RPGR: variants seen among roughly 807,000 people sequenced by gnomAD.
The protein encoded by RPGR is retinitis pigmentosa GTPase regulator.
In RPGR, 10 loss-of-function variants were observed where a neutral mutation model predicts 56.3. That is an observed-to-expected ratio of 0.18 (90% CI 0.11 to 0.30). The LOEUF (loss-of-function observed/expected upper bound fraction) is 0.30, where lower values mean the gene tolerates loss of function less well. Ranked by LOEUF, RPGR falls within the 10% of genes least tolerant of loss-of-function variation. The pLI, the probability that RPGR is intolerant of heterozygous loss-of-function variation, is 1.00. For synonymous variants in RPGR, 197 were observed against 212.9 expected (o/e 0.93, Z 0.65); for missense variants, 538 against 590.9 (o/e 0.91, Z 0.93).
chrX:38,280,211 TATAA>T (rs1323500465), intron 15 of RPGR, among the ~76,000 whole-genome samples: 2 of 112,028 alleles, frequency 1.8e-5, no homozygotes, highest in African/African-American at 6.5e-5. Context: ...TGTATATAAG[TATAA>T]ATAATTTTGT....
intron 6 of RPGR, among the ~76,000 whole-genome samples, chrX:38,313,143 C>T (rs1280749372): frequency 4.5e-5 from 5 of 111,834 alleles, no homozygotes; most frequent in African/African-American, 1.6e-4. Flanking sequence ...TCCCTCATCT[C>T]TGTCTCTCTC....
intron 11 of RPGR, among the ~76,000 whole-genome samples, chrX:38,296,483 A>G (rs150319603): frequency 9.0e-6 from 1 of 111,679 alleles, no homozygotes; most frequent in African/African-American, 3.3e-5. Flanking sequence ...CTCTAAAGAA[A>G]ATTACTTAGA....
At chrX:38,315,832 T>G (rs1179954323) in intron 6 of RPGR, among the ~76,000 whole-genome samples, 1 of 89,183 alleles carries the variant, frequency 1.1e-5, no homozygotes, top group African/African-American at 5.0e-5. Flanking sequence ...TATATATATA[T>G]ATATATAGAG....
chrX:38,273,361 A>C (rs1379443266), intron 18 of RPGR: 1 of 1,113,324 alleles, frequency 9.0e-7, no homozygotes, highest in South Asian at 1.9e-5. Context: ...CAAAAGGATC[A>C]AAAAAGACAA....
chrX:38,269,925 A>G, intron 18 of RPGR: 1 of 634,036 alleles, frequency 1.6e-6, no homozygotes. Flanking sequence ...ACACGTAAGA[A>G]CATGATTTTG....
At chrX:38,295,097 G>A (rs1203159624) in intron 11 of RPGR, among the ~76,000 whole-genome samples, 6 of 111,965 alleles carry the variant, frequency 5.4e-5, no homozygotes, top group Admixed American at 1.9e-4. Context: ...CTATAAAACC[G>A]TAAATAATTT....
chrX:38,289,157 A>G (rs1370943826), intron 13 of RPGR, among the ~76,000 whole-genome samples: 4 of 111,932 alleles, frequency 3.6e-5, no homozygotes, highest in African/African-American at 1.3e-4. Context: ...TTTGAAAAAA[A>G]TGAATAGTCC....
In RPGR at chrX:38,297,421, C is replaced by T; in HGVS notation, c.1277G>A (p.Arg426Lys). 1 of 1,208,939 alleles carries T rather than the reference C, an allele frequency of 8.3e-7. No homozygotes were observed. The highest frequency in any genetic ancestry group is 1.1e-6 in the Non-Finnish European group (1 of 893,935). ...AGTCCCTTCTATTGGAGGTAGTGTT[C>T]TCCTCATTGAAAAAGAATCTGGAGA... The change falls in exon 11 of 19, where the codon AGA (arginine) becomes AAA (lysine). Residue 426 changes from arginine to lysine, a missense_variant. Arg to Lys is a conservative substitution (Grantham distance 26). Transcript: ENST00000642395.
chrX:38,269,818 T>G lies in RPGR; in HGVS notation c.2256A>C (p.Lys752Asn), dbSNP rs777943257. The G allele has an allele frequency of 1.7e-6, 2 of 1,199,834 alleles. No individual in the cohort carries two copies. Among genetic ancestry groups the G allele is most frequent in the Non-Finnish European group, 2.3e-6 (2 of 886,034 alleles). Residue 752 changes from lysine to asparagine, a missense_variant, in exon 19 of 19, where the codon AAA becomes AAC. By Grantham distance (94) the Lys-to-Asn change is moderately conservative. This residue lies in a region of RPGR where 357 missense variants were observed against 325.8 expected (regional missense o/e 1.10). Transcript: ENST00000642395. ...TCTTTTGATTTATTGAGGGGACTCT[T>G]TTGAACAGAAAAATCTAGGAAAAAA...
At chrX:38,285,334 G>A (rs1379787462) in intron 15 of RPGR, 11 of 1,061,047 alleles carry the variant, frequency 1.0e-5, no homozygotes, top group East Asian at 3.5e-5. Flanking sequence ...GGAAATACAC[G>A]AAAATTTTAG....
Position 38,301,229 on chromosome X carries a change from G to C in RPGR, c.1059+18C>G. On this transcript the variant is annotated intron_variant, in intron 9 of 18. Transcript: ENST00000642395. The stretch of plus-strand genomic sequence containing the variant: ...ACAGTAATATGAAAATATAAACAGG[G>C]AAATGTGATGCCCTTACCAATTTAA... 8.5e-7 allele frequency: 1 copy of C among 1,172,888 alleles called. No homozygotes were observed. Among genetic ancestry groups the C allele is most frequent in the South Asian group, 1.8e-5 (1 of 54,721 alleles).
chrX:38,295,787 CA>C (rs2067366620), intron 11 of RPGR, among the ~76,000 whole-genome samples: 1 of 111,376 alleles, frequency 9.0e-6, no homozygotes, highest in African/African-American at 3.3e-5. Flanking sequence ...CTCAAAGATA[CA>C]CAAATTATCT....
chrX:38,312,652 T>G (rs138816425), intron 6 of RPGR, among the ~76,000 whole-genome samples: 290 of 111,607 alleles, frequency 2.6e-3, no homozygotes, highest in Non-Finnish European at 4.8e-3. Context: ...ATAAAAAAAG[T>G]ACACATCCCA....
chrX:38,277,627 T>C (rs1179358516), intron 15 of RPGR, among the ~76,000 whole-genome samples: 2 of 111,955 alleles, frequency 1.8e-5, no homozygotes, highest in East Asian at 5.5e-4. Flanking sequence ...TTATAACTGC[T>C]TCTAAAATAT....
intron 15 of RPGR, chrX:38,284,768 T>A (rs1197511469): frequency 1.4e-6 from 1 of 709,399 alleles, no homozygotes; most frequent in Non-Finnish European, 1.7e-6. Context: ...AGTTATCACA[T>A]CATCTCATCC....
chrX:38,273,169 A>G (rs1326174216), intron 18 of RPGR, among the ~76,000 whole-genome samples: 2 of 111,894 alleles, frequency 1.8e-5, no homozygotes, highest in South Asian at 3.8e-4. Flanking sequence ...CATCTAAAAC[A>G]TAAGCTAAAG....
At chrX:38,315,193 A>G (rs900935329) in intron 6 of RPGR, among the ~76,000 whole-genome samples, 1 of 111,282 alleles carries the variant, frequency 9.0e-6, no homozygotes, top group Non-Finnish European at 1.9e-5. Flanking sequence ...ATAGCTGGGC[A>G]TGATGGTGGG....
At chrX:38,288,177 ATTTT>A (rs2067222953) in intron 13 of RPGR, 136 bp from the exon 14 acceptor site, 5 of 568,996 alleles carry the variant, frequency 8.8e-6, no homozygotes, top group South Asian at 3.0e-5. Context: ...TTTACCAGAT[ATTTT>A]GCTAAAGTTT....
intron 4 of RPGR, 84 bp from the exon 5 acceptor site, chrX:38,319,071 A>C: frequency 1.2e-5 from 12 of 976,574 alleles, no homozygotes; most frequent in Non-Finnish European, 1.4e-5. Context: ...GATTTCCTCT[A>C]TTAACAGTGA....
Sources: gnomAD v4.1 joint callset for allele counts (sites outside exome capture counted in the v4.1 genomes callset) on GRCh38, gnomAD v4.1.1 for gene constraint, gnomAD v4.1.1 regional missense constraint, MANE v1.5 for transcripts, NCBI Gene and HGNC (gene_info 2026-07-23, HGNC 2026-07-21) for gene names.